The following NCEH1 variants were observed in gnomAD, a reference collection of about 807,000 sequenced individuals.
NCEH1 encodes 2-acetyl MAGE hydrolase.
In NCEH1, 9 loss-of-function variants were observed where a neutral mutation model predicts 25.4. The observed-to-expected ratio is 0.35, with a 90% confidence interval of 0.21 to 0.62. The LOEUF (loss-of-function observed/expected upper bound fraction) is 0.62. NCEH1 is among the 20% of genes least tolerant of loss of function. NCEH1 has a pLI of 0.72. For synonymous variants in NCEH1, 200 were observed against 199.8 expected, an observed-to-expected ratio of 1.00 and a Z score of -0.01; for missense variants, 412 against 501.1, an observed-to-expected ratio of 0.82 and a Z score of 1.70.
chr3:172,687,396 T>C (rs1014370387), intron 1 of NCEH1, among the ~76,000 whole-genome samples: 2 of 152,216 alleles, frequency 1.3e-5, no homozygotes, highest in African/African-American at 4.8e-5. Context: ...TTATTTTTGC[T>C]TGCTGCACAA....
Position 172,634,096 on chromosome 3 carries a change from G to T in NCEH1, c.610-4C>A. On this transcript the variant is annotated splice_region_variant and splice_polypyrimidine_tract_variant and intron_variant, in intron 4 of 4. Coordinates refer to ENST00000475381, the MANE Select transcript of NCEH1 (RefSeq NM_020792.6). ...TTAGGCTGGCATCTTGAGTAAACTA[G>T]AGAAGAGGAAGCAAATACATTATTT... 1.2e-6 allele frequency: 2 copies of T among 1,609,810 alleles called. No individual in the cohort carries two copies. The highest frequency in any genetic ancestry group is 2.2e-5 in the East Asian group (1 of 44,840).
intron 4 of NCEH1, 78 bp downstream of exon 4, chr3:172,635,838 A>G: frequency 2.1e-5 from 29 of 1,388,640 alleles, no homozygotes; most frequent in Non-Finnish European, 2.9e-5. Flanking sequence ...TTTGCCACAC[A>G]TAATGGAGGG....
intron 1 of NCEH1, among the ~76,000 whole-genome samples, chr3:172,675,335 A>AATTAATTAATTAATT (rs1560197091): frequency 2.5e-4 from 34 of 137,638 alleles, no homozygotes; most frequent in East Asian, 1.6e-3. Context: ...ATAAATAAAT[A>AATTAATTAATTAATT]AATAAATGAT....
In NCEH1 at chr3:172,708,662, C is replaced by A. The variant is rs55755924; in HGVS notation, c.138+2185G>T. On this transcript the variant is annotated intron_variant, in intron 1 of 4. Transcript: ENST00000475381. ...TGAGCCACCGCCCCAGGCCATGACA[C>A]CAGGTAATTTAGTAGTAGCACTCCA... is the stretch of plus-strand genomic sequence containing the variant. Among the ~76,000 whole-genome samples the A allele has an allele frequency of 3.9e-5, 6 of 152,122 alleles. No homozygotes were observed. The East Asian group carries it at 1.2e-3, about 29-fold the overall frequency.
At chr3:172,657,572 A>G (rs1159136689) in intron 1 of NCEH1, among the ~76,000 whole-genome samples, 5 of 152,150 alleles carry the variant, frequency 3.3e-5, no homozygotes, top group Non-Finnish European at 5.9e-5. Context: ...TATTTTCTGC[A>G]CTTGCCTGCT....
At chr3:172,709,224 T>C (rs904873697) in intron 1 of NCEH1, among the ~76,000 whole-genome samples, 1 of 152,242 alleles carries the variant, frequency 6.6e-6, no homozygotes, top group African/African-American at 2.4e-5. Context: ...GATTAACTTA[T>C]GATGGAGAAG....
intron 1 of NCEH1, among the ~76,000 whole-genome samples, chr3:172,695,613 T>A (rs531032955): frequency 4.6e-5 from 7 of 152,270 alleles, no homozygotes; most frequent in African/African-American, 1.7e-4. Flanking sequence ...AAGGTTGGTA[T>A]AAATATTGGG....
intron 1 of NCEH1, among the ~76,000 whole-genome samples, chr3:172,671,659 G>T: frequency 6.6e-6 from 1 of 150,590 alleles, no homozygotes; most frequent in Non-Finnish European, 1.5e-5. Context: ...ATACACACAT[G>T]CACACAGGCA....
intron 1 of NCEH1, among the ~76,000 whole-genome samples, chr3:172,668,557 T>C (rs932213050): frequency 1.3e-5 from 2 of 151,808 alleles, no homozygotes; most frequent in African/African-American, 2.4e-5. Flanking sequence ...AGTAGTTTCT[T>C]CTCTCTCCGA....
intron 1 of NCEH1, among the ~76,000 whole-genome samples, chr3:172,693,258 G>A (rs1330443839): frequency 1.3e-5 from 2 of 152,232 alleles, no homozygotes; most frequent in Non-Finnish European, 2.9e-5. Context: ...TCCATAAACA[G>A]AAAGAAGAAG....
At chr3:172,658,869 T>TTTC (rs1717832751) in intron 1 of NCEH1, among the ~76,000 whole-genome samples, 1 of 129,698 alleles carries the variant, frequency 7.7e-6, no homozygotes, top group Non-Finnish European at 1.6e-5. Flanking sequence ...TTTTTTTTTT[T>TTTC]ACTATCAACA....
In NCEH1 at chr3:172,631,997, A is replaced by C. The variant is rs915534085; in HGVS notation, c.*1478T>G. 2 of 152,660 alleles carry C rather than the reference A, an allele frequency of 1.3e-5. No homozygotes were observed. The highest frequency in any genetic ancestry group is 2.9e-5 in the Non-Finnish European group (2 of 68,046). 9.5% of individuals were successfully genotyped at this position (152,660 alleles called of 1,614,324 possible). A position where few individuals can be genotyped will look rare whatever the true frequency, so the allele number is the denominator to read the frequency against. On this transcript the variant is annotated 3_prime_UTR_variant, in exon 5 of 5. Transcript: ENST00000475381. ...GCAGTGAAGACTTTACATGAAGTTA[A>C]GCTTGGGCTGTTGAAACTTCCAGAC...
chr3:172,696,393 T>G (rs1713375805), intron 1 of NCEH1, among the ~76,000 whole-genome samples: 1 of 152,230 alleles, frequency 6.6e-6, no homozygotes, highest in South Asian at 2.1e-4. Context: ...CCTTTGTAGT[T>G]TAGTGTAGAC....
At chr3:172,652,332 C>T (rs1717440191) in intron 1 of NCEH1, among the ~76,000 whole-genome samples, 1 of 152,138 alleles carries the variant, frequency 6.6e-6, no homozygotes, top group African/African-American at 2.4e-5. Flanking sequence ...CCCAAGAGTT[C>T]AACAGGAATA....
At position 172,650,519 on chromosome 3, in the gene NCEH1, G is replaced by T. The variant is rs368216869; in HGVS notation, c.139-2405C>A. On this transcript the variant is annotated intron_variant, in intron 1 of 4. Coordinates refer to ENST00000475381, the MANE Select transcript of NCEH1 (RefSeq NM_020792.6). ...AAAAAATCAGCCGGGCATGGTGGCG[G>T]GCGCCTGTAGTCCCAGCTACTTGGG... Among the ~76,000 whole-genome samples, 98 of 151,908 alleles carry T rather than the reference G, an allele frequency of 6.5e-4. 1 individual carries two copies. In the East Asian group the frequency reaches 0.018, roughly 28 times the overall value.
chr3:172,697,762 T>C (rs2108534237), intron 1 of NCEH1, among the ~76,000 whole-genome samples: 1 of 152,256 alleles, frequency 6.6e-6, no homozygotes, highest in South Asian at 2.1e-4. Flanking sequence ...CAGCAGACCT[T>C]GTTCACAGCC....
At chr3:172,692,503 G>A (rs568644395) in intron 1 of NCEH1, among the ~76,000 whole-genome samples, 8 of 150,550 alleles carry the variant, frequency 5.3e-5, no homozygotes, top group African/African-American at 1.5e-4. Flanking sequence ...GACCACAGGT[G>A]CATGTCACCA....
chr3:172,681,669 C>T (rs1051828084), intron 1 of NCEH1, among the ~76,000 whole-genome samples: 4 of 148,716 alleles, frequency 2.7e-5, no homozygotes, highest in African/African-American at 1.0e-4. Flanking sequence ...GCGGGAGCAT[C>T]ACTTGAGGTC....
At position 172,646,584 on chromosome 3, in the gene NCEH1, T is replaced by C. The variant is rs537084384; in HGVS notation, c.368-892A>G. The stretch of plus-strand genomic sequence containing the variant: ...ACTCTCAGTAAATTAAGATCTATAT[T>C]GTGCCAACTGAGAGCCAAACATTTC... On this transcript the variant is annotated intron_variant, in intron 2 of 4. Coordinates refer to ENST00000475381, the MANE Select transcript of NCEH1 (RefSeq NM_020792.6). Among the ~76,000 whole-genome samples, 10 of 152,316 alleles carry C rather than the reference T, an allele frequency of 6.6e-5. No homozygotes were observed. In the South Asian group the frequency reaches 1.7e-3, roughly 25 times the overall value.
Sources: gnomAD v4.1 joint callset for allele counts (sites outside exome capture counted in the v4.1 genomes callset) on GRCh38, gnomAD v4.1.1 for gene constraint, MANE v1.5 for transcripts, NCBI Gene and HGNC (gene_info 2026-07-23, HGNC 2026-07-21) for gene names.